The following KLHL18 variants were observed in gnomAD, a reference collection of about 807,000 sequenced individuals.
The protein encoded by KLHL18 is kelch like family member 18.
In KLHL18, 38 loss-of-function variants were observed where a neutral mutation model predicts 58.5. The ratio of observed to expected loss-of-function variants is 0.65; its 90% confidence interval spans 0.50 to 0.85. The LOEUF (loss-of-function observed/expected upper bound fraction) is 0.85. Among genes scored for constraint, KLHL18 ranks in the 40% least tolerant of loss-of-function variants. The pLI, the probability that KLHL18 is intolerant of heterozygous loss-of-function variation, is 0.00. For missense variants in KLHL18, 624 were observed against 778.4 expected, an observed-to-expected ratio of 0.80 and a Z score of 2.36; for synonymous variants, 303 against 301.9, an observed-to-expected ratio of 1.00 and a Z score of -0.04.
chr3:47,339,925 G>A (rs375267481), intron 7 of KLHL18, among the ~76,000 whole-genome samples: 2 of 152,274 alleles, frequency 1.3e-5, no homozygotes, highest in South Asian at 4.1e-4. Flanking sequence ...GTGCACACCT[G>A]TAATCCCAGC....
At chr3:47,317,568 A>T (rs1703485137) in intron 1 of KLHL18, among the ~76,000 whole-genome samples, 2 of 152,182 alleles carry the variant, frequency 1.3e-5, no homozygotes, top group African/African-American at 4.8e-5. Context: ...TAAAACAAAC[A>T]ACTGATAGAG....
At chr3:47,342,687 G>C in intron 8 of KLHL18, 32 bp from the exon 9 acceptor site, 1 of 1,576,306 alleles carries the variant, frequency 6.3e-7, no homozygotes, top group Non-Finnish European at 8.7e-7. Flanking sequence ...TGAATCTCAT[G>C]CTTCCCCTCC....
At chr3:47,333,040 GA>G in intron 4 of KLHL18, 116 bp from the exon 5 acceptor site, 2 of 1,026,580 alleles carry the variant, frequency 1.9e-6, no homozygotes, top group Non-Finnish European at 2.8e-6. Context: ...TAGGAGAAAA[GA>G]TTGATGGGCC....
chr3:47,289,234 C>T (rs1702740492), intron 1 of KLHL18, among the ~76,000 whole-genome samples: 1 of 152,182 alleles, frequency 6.6e-6, no homozygotes, highest in African/African-American at 2.4e-5. Context: ...ATTTTGCAAC[C>T]GCTGATAAAT....
intron 1 of KLHL18, among the ~76,000 whole-genome samples, chr3:47,309,099 A>T (rs1191253826): frequency 3.3e-5 from 5 of 152,218 alleles, no homozygotes; most frequent in Non-Finnish European, 4.4e-5. Context: ...AAGCTCATAG[A>T]TCAACAGCAT....
At chr3:47,306,976 T>C (rs1018539698) in intron 1 of KLHL18, among the ~76,000 whole-genome samples, 6 of 152,222 alleles carry the variant, frequency 3.9e-5, no homozygotes, top group African/African-American at 1.4e-4. Flanking sequence ...ACTTTTTTTT[T>C]CTCAAATTAT....
intron 7 of KLHL18, 104 bp downstream of exon 7, chr3:47,336,861 C>A: frequency 1.1e-6 from 1 of 932,938 alleles, no homozygotes; most frequent in Non-Finnish European, 1.7e-6. Flanking sequence ...CAAGCTTTGG[C>A]CTGGGAGTTT....
chr3:47,336,168 T>TAGGGG (rs1703979126), intron 6 of KLHL18, among the ~76,000 whole-genome samples: 1 of 152,208 alleles, frequency 6.6e-6, no homozygotes, highest in African/African-American at 2.4e-5. Flanking sequence ...CCCCTTGCCT[T>TAGGGG]GGGTCACCCC....
At chr3:47,327,304 A>G (rs1234481952) in intron 3 of KLHL18, among the ~76,000 whole-genome samples, 4 of 152,232 alleles carry the variant, frequency 2.6e-5, no homozygotes, top group Non-Finnish European at 5.9e-5. Context: ...CTAATCAAAG[A>G]CACCCAAAAA....
chr3:47,294,573 A>G (rs1381169633), intron 1 of KLHL18, among the ~76,000 whole-genome samples: 1 of 152,212 alleles, frequency 6.6e-6, no homozygotes, highest in Non-Finnish European at 1.5e-5. Context: ...TTGGGGAAAC[A>G]GCAAGAAGCC....
At chr3:47,313,151 C>T (rs1390347098) in intron 1 of KLHL18, among the ~76,000 whole-genome samples, 4 of 151,516 alleles carry the variant, frequency 2.6e-5, no homozygotes, top group African/African-American at 4.8e-5. Flanking sequence ...CCTTGTGATC[C>T]GCCCGTCTCG....
chr3:47,284,127 G>A (rs1326204564), intron 1 of KLHL18, among the ~76,000 whole-genome samples: 2 of 151,996 alleles, frequency 1.3e-5, no homozygotes, highest in Non-Finnish European at 2.9e-5. Flanking sequence ...AGCTACTCAG[G>A]AGGGTGAGGT....
intron 1 of KLHL18, among the ~76,000 whole-genome samples, chr3:47,290,517 C>T (rs1009352675): frequency 1.3e-5 from 2 of 151,582 alleles, no homozygotes; most frequent in Non-Finnish European, 2.9e-5. Context: ...GGCTGGAGTA[C>T]AGTGGTGGAT....
chr3:47,308,312 G>C (rs770995582), intron 1 of KLHL18, among the ~76,000 whole-genome samples: 1 of 152,010 alleles, frequency 6.6e-6, no homozygotes. Context: ...CATATTGTGT[G>C]ATGCTGAGGT....
intron 1 of KLHL18, among the ~76,000 whole-genome samples, chr3:47,317,344 C>G (rs1344460944): frequency 6.6e-6 from 1 of 152,108 alleles, no homozygotes; most frequent in Non-Finnish European, 1.5e-5. Context: ...GAACCCCTGA[C>G]CTCAGGTGAT....
At chr3:47,328,614 C>T (rs1703780611) in intron 3 of KLHL18, among the ~76,000 whole-genome samples, 1 of 152,062 alleles carries the variant, frequency 6.6e-6, no homozygotes, top group African/African-American at 2.4e-5. Flanking sequence ...GGAATGTGCA[C>T]AAGAGTCCTG....
At chr3:47,324,490 C>G (rs1703669316) in intron 3 of KLHL18, among the ~76,000 whole-genome samples, 1 of 151,278 alleles carries the variant, frequency 6.6e-6, no homozygotes, top group African/African-American at 2.4e-5. Flanking sequence ...ACTGTCAACA[C>G]TGGATCCAGG....
chr3:47,334,701 A>C lies in KLHL18; in HGVS notation c.780A>C (p.Ala260=). 2.5e-6 allele frequency: 4 copies of C among 1,614,186 alleles called. No individual in the cohort carries two copies. Among genetic ancestry groups the C allele is most frequent in the Non-Finnish European group, 2.5e-6 (3 of 1,180,030 alleles). Residue 260 remains alanine (A), a synonymous_variant, in exon 6 of 10, where the codon GCA becomes GCC. Transcript: ENST00000232766. This position sits in a 1 kb window ranked among gnomAD's most constrained non-coding sequence, Gnocchi z 4.7. ...CHKCRDLVDE[A]KDYHLMPERR... is the part of the protein sequence containing the mutation. ...ATTCTAGGGACCTGGTAGACGAAGCAAAGGACTACCACCTCATGCCAGAGC... is the reference window on the plus strand; with the variant it reads ...ATTCTAGGGACCTGGTAGACGAAGCCAAGGACTACCACCTCATGCCAGAGC...
At position 47,334,605 on chromosome 3, in the gene KLHL18, A is replaced by G. The variant is rs295450; in HGVS notation, c.762-78A>G. ...AGGTTTCCCCTGCAGTTGGCAGTGG[A>G]GAGCCAGGCTCAGAGATGCAAACGA... On this transcript the variant is annotated intron_variant, in intron 5 of 9. Coordinates refer to ENST00000232766, the MANE Select transcript of KLHL18 (RefSeq NM_025010.5). The surrounding 1 kb of genome is among the most constrained non-coding windows in gnomAD (Gnocchi z 4.7). The G allele has an allele frequency of 0.99, 1,529,218 of 1,542,066 alleles. 758,980 individuals carry two copies. The highest frequency in any genetic ancestry group is 1 in the East Asian group (44,108 of 44,108).
Sources: gnomAD v4.1 joint callset for allele counts (sites outside exome capture counted in the v4.1 genomes callset) on GRCh38, gnomAD v4.1.1 for gene constraint, Gnocchi (gnomAD v3.1) non-coding constraint, MANE v1.5 for transcripts, NCBI Gene and HGNC (gene_info 2026-07-23, HGNC 2026-07-21) for gene names.